The following PLPP7 variants were observed in gnomAD, a reference collection of about 807,000 sequenced individuals.
PLPP7 encodes inactive phospholipid phosphatase 7.
Under a neutral mutation model 16.9 loss-of-function variants are expected in PLPP7, and 11 were observed. The observed-to-expected ratio is 0.65, with a 90% CI of 0.41 to 1.08. The LOEUF (loss-of-function observed/expected upper bound fraction) is 1.08, where lower values mean the gene tolerates loss of function less well. Among genes scored for constraint, PLPP7 ranks in the 50% least tolerant of loss-of-function variants. PLPP7 has a pLI of 0.00. For missense variants in PLPP7, 358 were observed against 397.1 expected, an observed-to-expected ratio of 0.90 and a Z score of 0.84; for synonymous variants, 174 against 175.1, an observed-to-expected ratio of 0.99 and a Z score of 0.05.
intron 1 of PLPP7, among the ~76,000 whole-genome samples, chr9:131,304,387 C>A (rs991000225): frequency 2.0e-5 from 3 of 152,216 alleles, no homozygotes; most frequent in African/African-American, 7.2e-5. Flanking sequence ...AATCCCAGCA[C>A]TTTTTGGGAG....
chr9:131,298,445 C>A (rs915638013), intron 1 of PLPP7, among the ~76,000 whole-genome samples: 2 of 152,170 alleles, frequency 1.3e-5, no homozygotes, highest in Admixed American at 6.5e-5. Context: ...CCAGAAGCCC[C>A]GTCCTTGTTC....
rs2131209607 is a variant in PLPP7 at position 131,289,927 on chromosome 9, G to C, written c.-71G>C. On this transcript the variant is annotated 5_prime_UTR_variant, in exon 1 of 2. Transcript: ENST00000372264. Reference sequence around the variant, plus strand: ...AGCCACGGTGGCGGCTCTGGGGGCAGCTCTTGTCTTCGGGGAGAAGGCCCT... The same window carrying C: ...AGCCACGGTGGCGGCTCTGGGGGCACCTCTTGTCTTCGGGGAGAAGGCCCT... The C allele has an allele frequency of 7.0e-6, 9 of 1,288,940 alleles. No homozygotes were observed. The highest frequency in any genetic ancestry group is 9.0e-6 in the Non-Finnish European group (9 of 1,001,378). 79.8% of individuals were successfully genotyped at this position (1,288,940 alleles called of 1,614,324 possible). A position where few individuals can be genotyped will look rare whatever the true frequency, so the allele number is the denominator to read the frequency against.
Position 131,307,477 on chromosome 9 carries a change from G to C in PLPP7, c.452-446G>C, listed in dbSNP as rs189193210. ...CGAGGCAGGAGAATCGCTTGAATCC[G>C]GGAGGCGGAGGTTCCAGTGAGCCAA... On this transcript the variant is annotated intron_variant, in intron 1 of 1. Coordinates refer to ENST00000372264, the MANE Select transcript of PLPP7 (RefSeq NM_032728.4). 3.3e-3 allele frequency among the ~76,000 whole-genome samples: 471 copies of C among 144,338 alleles called. 1 individual carries two copies. The highest frequency in any genetic ancestry group is 0.012 in the African/African-American group (446 of 38,688). The allele number at this position is 144,338 out of a possible 152,430, so 94.7% of individuals were successfully genotyped here.
intron 1 of PLPP7, among the ~76,000 whole-genome samples, chr9:131,299,484 C>G (rs1835772284): frequency 6.6e-6 from 1 of 152,098 alleles, no homozygotes. Flanking sequence ...TCACTCAAGG[C>G]CTGGCTGCGC....
rs1019211170 is a variant in PLPP7 at position 131,290,631 on chromosome 9, G to A, written c.451+183G>A. ...TCCGGCGTGGGGGAGCGACAGCCAG[G>A]GATGCATAGACGAGGCTCTCCTGCC... is the stretch of plus-strand genomic sequence containing the variant. On this transcript the variant is annotated intron_variant, in intron 1 of 1. Transcript: ENST00000372264. The surrounding 1 kb of genome is among the most constrained non-coding windows in gnomAD (Gnocchi z 4.2). Among the ~76,000 whole-genome samples the A allele has an allele frequency of 3.8e-5, 5 of 130,716 alleles. No individual in the cohort carries two copies. The highest frequency in any genetic ancestry group is 8.8e-5 in the Non-Finnish European group (5 of 56,810). 85.8% of individuals were successfully genotyped at this position (130,716 alleles called of 152,430 possible). A position where few individuals can be genotyped will look rare whatever the true frequency, so the allele number is the denominator to read the frequency against.
At chr9:131,301,763 C>T (rs1000529509) in intron 1 of PLPP7, among the ~76,000 whole-genome samples, 1 of 152,028 alleles carries the variant, frequency 6.6e-6, no homozygotes, top group Non-Finnish European at 1.5e-5. Context: ...CTGGGACCAC[C>T]CTTGCTATGG....
At chr9:131,299,189 T>TGAGC (rs1835768494) in intron 1 of PLPP7, among the ~76,000 whole-genome samples, 1 of 151,990 alleles carries the variant, frequency 6.6e-6, no homozygotes, top group East Asian at 1.9e-4. Context: ...GGAGCCTGAG[T>TGAGC]GCGCCCTGGG....
chr9:131,306,713 G>A (rs977545532), intron 1 of PLPP7, among the ~76,000 whole-genome samples: 9 of 152,198 alleles, frequency 5.9e-5, no homozygotes, highest in African/African-American at 2.2e-4. Flanking sequence ...TACATGGAGT[G>A]TCTAGAGGAG....
intron 1 of PLPP7, among the ~76,000 whole-genome samples, chr9:131,302,782 T>C (rs539777112): frequency 1.3e-5 from 2 of 152,098 alleles, no homozygotes; most frequent in East Asian, 3.9e-4. Flanking sequence ...GATGCCACGA[T>C]TCAAACCCCA....
chr9:131,293,537 G>T (rs1835704863), intron 1 of PLPP7, among the ~76,000 whole-genome samples: 1 of 152,170 alleles, frequency 6.6e-6, no homozygotes, highest in African/African-American at 2.4e-5. Context: ...CAGGAAGGAA[G>T]GTCCCACAGT....
rs553951173 is a variant in PLPP7, at chr9:131,302,904, T to C, written c.452-5019T>C. On this transcript the variant is annotated intron_variant, in intron 1 of 1. Transcript: ENST00000372264. ...CGTGATCTGGAACAGTCTAACTGCCTGGCATGGACAGTTAGGTGCACCACA... is the reference window on the plus strand; with the variant it reads ...CGTGATCTGGAACAGTCTAACTGCCCGGCATGGACAGTTAGGTGCACCACA... 1.6e-3 allele frequency among the ~76,000 whole-genome samples: 250 copies of C among 152,314 alleles called. 1 individual carries two copies. Among genetic ancestry groups the C allele is most frequent in the African/African-American group, 5.7e-3 (239 of 41,580 alleles).
At position 131,297,477 on chromosome 9, in the gene PLPP7, C is replaced by T. The variant is rs141683575; in HGVS notation, c.451+7029C>T. 2.0e-5 allele frequency among the ~76,000 whole-genome samples: 3 copies of T among 152,040 alleles called. No individual in the cohort carries two copies. In the East Asian group the frequency reaches 5.8e-4, roughly 29 times the overall value. ...CTCAGCTCACTGCAACCTCTGTCCC[C>T]CAAGTTCAAGTGATTCTCCTGCCTC... On this transcript the variant is annotated intron_variant, in intron 1 of 1. Transcript: ENST00000372264.
At chr9:131,307,203 G>T (rs1240100825) in intron 1 of PLPP7, among the ~76,000 whole-genome samples, 3 of 146,034 alleles carry the variant, frequency 2.1e-5, no homozygotes, top group Non-Finnish European at 3.0e-5. Flanking sequence ...CCAAGATCAG[G>T]CCACTGCACT....
At position 131,295,217 on chromosome 9, in the gene PLPP7, G is replaced by A. The variant is rs183013693; in HGVS notation, c.451+4769G>A. Among the ~76,000 whole-genome samples, 156 of 151,858 alleles carry A rather than the reference G, an allele frequency of 1.0e-3. No individual in the cohort carries two copies. The highest frequency in any genetic ancestry group is 3.0e-3 in the African/African-American group (124 of 41,416). On this transcript the variant is annotated intron_variant, in intron 1 of 1. Transcript: ENST00000372264. The surrounding 1 kb of genome is among the most constrained non-coding windows in gnomAD (Gnocchi z 4.0). ...CACCCAGGCTGGACTGCAGTGCTGT[G>A]ATCTTGGCTCACAGCAACCTCTGCC...
intron 1 of PLPP7, 26 bp from the exon 2 acceptor site, chr9:131,307,897 C>T (rs1368575974): frequency 6.5e-7 from 1 of 1,549,554 alleles, no homozygotes; most frequent in Admixed American, 1.8e-5. Flanking sequence ...CCTGATGGCC[C>T]AGGGGCCTCT....
At chr9:131,305,668 A>AT (rs1835845019) in intron 1 of PLPP7, among the ~76,000 whole-genome samples, 1 of 151,752 alleles carries the variant, frequency 6.6e-6, no homozygotes, top group Admixed American at 6.6e-5. Flanking sequence ...TAATTTTTGT[A>AT]TTTTTTTGTA....
intron 1 of PLPP7, chr9:131,291,237 C>T (rs1353290220): frequency 1.5e-6 from 2 of 1,345,556 alleles, no homozygotes; most frequent in Non-Finnish European, 2.0e-6. Flanking sequence ...CCCAAGGTGC[C>T]CCAGGAAGCT....
chr9:131,295,093 C>A lies in PLPP7; in HGVS notation c.451+4645C>A, dbSNP rs569665671. On this transcript the variant is annotated intron_variant, in intron 1 of 1. Coordinates refer to ENST00000372264, the MANE Select transcript of PLPP7 (RefSeq NM_032728.4). This position sits in a 1 kb window ranked among gnomAD's most constrained non-coding sequence, Gnocchi z 4.0. ...TCGCACCACTGCACTCCAGCCTGGG[C>A]GACAGAGTGAGACTCTGTCTAAAAA... Among the ~76,000 whole-genome samples, 1 of 150,898 alleles carries A rather than the reference C, an allele frequency of 6.6e-6. No individual in the cohort carries two copies. Among genetic ancestry groups the A allele is most frequent in the African/African-American group, 2.4e-5 (1 of 41,096 alleles).
chr9:131,296,476 A>T (rs577416309), intron 1 of PLPP7, among the ~76,000 whole-genome samples: 2 of 151,632 alleles, frequency 1.3e-5, no homozygotes, highest in Admixed American at 1.3e-4. Flanking sequence ...CTGGTCTCAA[A>T]CTCTTGACCT....
Sources: gnomAD v4.1 joint callset for allele counts (sites outside exome capture counted in the v4.1 genomes callset) on GRCh38, gnomAD v4.1.1 for gene constraint, Gnocchi (gnomAD v3.1) non-coding constraint, MANE v1.5 for transcripts, NCBI Gene and HGNC (gene_info 2026-07-23, HGNC 2026-07-21) for gene names.